HORMAD2: variants seen among roughly 807,000 people sequenced by gnomAD.
HORMAD2 encodes HORMA domain-containing protein 2.
A neutral mutation model predicts 38.8 loss-of-function variants in HORMAD2; 45 were observed. That is an observed-to-expected ratio of 1.16 (90% CI 0.91 to 1.49). The LOEUF (loss-of-function observed/expected upper bound fraction) is 1.49, where lower values mean the gene tolerates loss of function less well. Among genes scored for constraint, HORMAD2 ranks in the 40% most tolerant of loss-of-function variants. HORMAD2 has a pLI of 0.00. For synonymous variants in HORMAD2, 126 were observed against 122.8 expected (o/e 1.03, Z -0.17); for missense variants, 338 against 367.0 (o/e 0.92, Z 0.65).
At chr22:30,197,101 A>G in the HORMAD2 span, among the ~76,000 whole-genome samples, 1,420 of 152,154 alleles carry the variant, frequency 9.3e-3, 19 homozygotes, top group African/African-American at 0.033. Context: ...TCTTAGGACC[A>G]AAGTTTTTGG....
At chr22:30,136,368 TCA>T (rs1923654136) in intron 10 of HORMAD2, among the ~76,000 whole-genome samples, 1 of 152,158 alleles carries the variant, frequency 6.6e-6, no homozygotes. Context: ...TTAGTTATAG[TCA>T]CAGAGATTTG....
chr22:30,204,220 C>A, the HORMAD2 span, among the ~76,000 whole-genome samples: 1 of 152,096 alleles, frequency 6.6e-6, no homozygotes, highest in Non-Finnish European at 1.5e-5. Context: ...AGGCCCATAG[C>A]CCCAGGTCAC....
intron 10 of HORMAD2, among the ~76,000 whole-genome samples, chr22:30,163,798 A>G (rs915104423): frequency 4.6e-5 from 7 of 152,192 alleles, no homozygotes; most frequent in African/African-American, 1.7e-4. Context: ...AAATATACAT[A>G]ATATATAATT....
chr22:30,085,408 T>C (rs563359751), intron 1 of HORMAD2, among the ~76,000 whole-genome samples: 2 of 152,174 alleles, frequency 1.3e-5, no homozygotes, highest in African/African-American at 4.8e-5. Context: ...ATTAAACAGA[T>C]GGTTGCAGAA....
At chr22:30,181,604 G>C (rs1411459770), downstream of HORMAD2, among the ~76,000 whole-genome samples, 1 of 152,186 alleles carries the variant, frequency 6.6e-6, no homozygotes, top group African/African-American at 2.4e-5. Context: ...GAATAAACAA[G>C]GAAGAAGAAA....
the HORMAD2 span, among the ~76,000 whole-genome samples, chr22:30,193,907 C>T: frequency 6.6e-6 from 1 of 152,174 alleles, no homozygotes; most frequent in South Asian, 2.1e-4. Flanking sequence ...TCACACTTTC[C>T]TTTTCTTGCT....
chr22:30,122,294 C>A, intron 10 of HORMAD2, 80 bp downstream of exon 10: 5 of 1,340,184 alleles, frequency 3.7e-6, no homozygotes, highest in Non-Finnish European at 5.0e-6. Flanking sequence ...AGGGCATGCA[C>A]GTGGAGTGTG....
the HORMAD2 span, among the ~76,000 whole-genome samples, chr22:30,191,592 A>T: frequency 3.9e-5 from 6 of 152,194 alleles, no homozygotes; most frequent in African/African-American, 1.4e-4. Context: ...GCTCTGCCAG[A>T]TACTGATGCT....
chr22:30,126,383 G>A (rs1240462888), intron 10 of HORMAD2, among the ~76,000 whole-genome samples: 1 of 152,102 alleles, frequency 6.6e-6, no homozygotes, highest in African/African-American at 2.4e-5. Context: ...TAGCCAGGAT[G>A]GTCTTGATCT....
the HORMAD2 span, among the ~76,000 whole-genome samples, chr22:30,193,627 G>A: frequency 5.3e-5 from 8 of 152,160 alleles, no homozygotes; most frequent in African/African-American, 1.9e-4. Context: ...GACAGTGAGT[G>A]CATAGGCCCT....
chr22:30,111,910 CCTGA>C, intron 6 of HORMAD2, 94 bp downstream of exon 6: 1 of 927,878 alleles, frequency 1.1e-6, no homozygotes, highest in Non-Finnish European at 1.6e-6. Flanking sequence ...CCTCTTCCTC[CCTGA>C]CTTTTTTTTT....
At chr22:30,094,055 A>C in intron 2 of HORMAD2, 52 bp downstream of exon 2, 1 of 1,259,788 alleles carries the variant, frequency 7.9e-7, no homozygotes, top group Non-Finnish European at 1.1e-6. Flanking sequence ...GAGTTAGTTC[A>C]GAATTATGAT....
intron 2 of HORMAD2, among the ~76,000 whole-genome samples, 182 bp downstream of exon 2, chr22:30,094,185 A>G (rs1470915378): frequency 6.6e-6 from 1 of 152,232 alleles, no homozygotes; most frequent in African/African-American, 2.4e-5. Flanking sequence ...GAAAATTAAA[A>G]TAAATTTCTA....
chr22:30,137,194 A>T lies in HORMAD2; in HGVS notation c.819+14980A>T, dbSNP rs906471642. On this transcript the variant is annotated intron_variant, in intron 10 of 10. Coordinates refer to ENST00000336726, the MANE Select transcript of HORMAD2 (RefSeq NM_152510.4). Reference sequence around the variant, plus strand: ...TTAATCAGGCATTTTTGCCCTGAACATCTTCAGTATCAGCTTGAATTTTCT... The same window carrying T: ...TTAATCAGGCATTTTTGCCCTGAACTTCTTCAGTATCAGCTTGAATTTTCT... 3.9e-5 allele frequency: 23 copies of T among 587,460 alleles called. No individual in the cohort carries two copies. The African/African-American group carries it at 4.3e-4, about 11-fold the overall frequency. The allele number at this position is 587,460 out of a possible 1,614,324, so 36.4% of individuals were successfully genotyped here.
At chr22:30,089,684 GA>G (rs1469632787) in intron 1 of HORMAD2, among the ~76,000 whole-genome samples, 3 of 152,104 alleles carry the variant, frequency 2.0e-5, no homozygotes, top group Non-Finnish European at 1.5e-5. Context: ...CAATAAGGGT[GA>G]AAACTAGATG....
At chr22:30,197,133 G>C in the HORMAD2 span, among the ~76,000 whole-genome samples, 1 of 152,114 alleles carries the variant, frequency 6.6e-6, no homozygotes, top group Non-Finnish European at 1.5e-5. Flanking sequence ...CCTAGAGGGA[G>C]TGCTGGGTGA....
At chr22:30,172,756 C>T (rs985165631) in intron 10 of HORMAD2, among the ~76,000 whole-genome samples, 9 of 151,928 alleles carry the variant, frequency 5.9e-5, no homozygotes, top group African/African-American at 1.5e-4. Flanking sequence ...GGCGTGGTGG[C>T]GGGTACCTGT....
intron 1 of HORMAD2, among the ~76,000 whole-genome samples, 151 bp from the exon 2 acceptor site, chr22:30,093,765 C>T (rs997004291): frequency 6.6e-6 from 1 of 152,106 alleles, no homozygotes; most frequent in Non-Finnish European, 1.5e-5. Context: ...TCTCTCTGAA[C>T]TGAACAATCT....
At chr22:30,188,861 TGCGGTG>T in the HORMAD2 span, among the ~76,000 whole-genome samples, 2 of 152,124 alleles carry the variant, frequency 1.3e-5, no homozygotes, top group East Asian at 3.9e-4. Flanking sequence ...TTGGGCCGGG[TGCGGTG>T]GCTCATGCCT....
Sources: allele counts gnomAD v4.1 joint callset (sites outside exome capture counted in the v4.1 genomes callset), GRCh38; gene constraint gnomAD v4.1.1; transcripts MANE v1.5; gene names NCBI Gene and HGNC (gene_info 2026-07-23, HGNC 2026-07-21).